Variants in PPP2R3A observed in about 807,000 individuals in gnomAD.
The protein encoded by PPP2R3A is protein phosphatase 2 regulatory subunit B''alpha.
In PPP2R3A, 80 loss-of-function variants were observed where a neutral mutation model predicts 106.9. The observed-to-expected ratio is 0.75, with a 90% confidence interval of 0.62 to 0.90. The LOEUF (loss-of-function observed/expected upper bound fraction) is 0.90, where lower values mean the gene tolerates loss of function less well. Ranked by LOEUF, PPP2R3A falls within the 40% of genes least tolerant of loss-of-function variation. PPP2R3A has a pLI of 0.00. For synonymous variants in PPP2R3A, 483 were observed against 468.3 expected (o/e 1.03, Z -0.41); for missense variants, 1,386 against 1,350.4 (o/e 1.03, Z -0.41).
At chr3:136,136,436 T>TA (rs1428529798) in intron 13 of PPP2R3A, among the ~76,000 whole-genome samples, 3 of 152,168 alleles carry the variant, frequency 2.0e-5, no homozygotes, top group African/African-American at 7.2e-5. Flanking sequence ...AGGGCACATT[T>TA]TACTGCTTGA....
chr3:136,111,513 A>C (rs1402237405), intron 13 of PPP2R3A, among the ~76,000 whole-genome samples: 1 of 152,192 alleles, frequency 6.6e-6, no homozygotes, highest in East Asian at 1.9e-4. Flanking sequence ...GCAATAAGCC[A>C]AACTTCTTCA....
intron 12 of PPP2R3A, 69 bp from the exon 13 acceptor site, chr3:136,106,147 T>G (rs1576314647): frequency 7.7e-7 from 1 of 1,292,940 alleles, no homozygotes. Flanking sequence ...TACATTTGTG[T>G]GATGATCTAT....
chr3:136,119,606 AAAAG>A lies in PPP2R3A; in HGVS notation c.3329+13285_3329+13288del, dbSNP rs1559931147. On this transcript the variant is annotated intron_variant, in intron 13 of 13. Coordinates refer to ENST00000264977, the MANE Select transcript of PPP2R3A (RefSeq NM_002718.5). ...TTATGCAGCCAACAAACATATGAAA[AAAAG>A]CTCATCATCACTGGTCATTAGAGAA... Among the ~76,000 whole-genome samples, 13 of 152,388 alleles carry A rather than the reference AAAAG, an allele frequency of 8.5e-5. No homozygotes were observed. In the South Asian group the frequency reaches 2.7e-3, roughly 32 times the overall value.
chr3:136,011,143 T>A (rs963919819), intron 2 of PPP2R3A, among the ~76,000 whole-genome samples: 1 of 152,122 alleles, frequency 6.6e-6, no homozygotes, highest in Non-Finnish European at 1.5e-5. Context: ...TGTAAAAATA[T>A]CACTTCACTG....
At chr3:136,072,540 T>C (rs13079037) in intron 6 of PPP2R3A, among the ~76,000 whole-genome samples, 98,840 of 152,104 alleles carry the variant, frequency 0.65, 34,346 homozygotes, top group African/African-American at 0.9. Flanking sequence ...TGCAGTGAGC[T>C]GAGATTCTTG....
chr3:136,107,136 T>G lies in PPP2R3A; in HGVS notation c.3329+814T>G, dbSNP rs372247698. 3.6e-4 allele frequency among the ~76,000 whole-genome samples: 55 copies of G among 152,234 alleles called. 1 individual carries two copies. The South Asian group carries it at 0.011, about 30-fold the overall frequency. On this transcript the variant is annotated intron_variant, in intron 13 of 13. Coordinates refer to ENST00000264977, the MANE Select transcript of PPP2R3A (RefSeq NM_002718.5). ...TGACTCCTTGGATCACTTCAGCAAC[T>G]TTATAATTTGCTGGTTTTTTCCATC...
In PPP2R3A at chr3:136,146,092, C is replaced by T. The variant is rs1454775230; in HGVS notation, c.*926C>T. ...TATTAGACTAGCTAATAGTAAAGGCCTCAACGTTATTCTTTACTTCATGTT... is the reference window on the plus strand; with the variant it reads ...TATTAGACTAGCTAATAGTAAAGGCTTCAACGTTATTCTTTACTTCATGTT... On this transcript the variant is annotated 3_prime_UTR_variant, in exon 14 of 14. Coordinates refer to ENST00000264977, the MANE Select transcript of PPP2R3A (RefSeq NM_002718.5). The T allele has an allele frequency of 6.6e-6, 1 of 151,912 alleles. No homozygotes were observed. The highest frequency in any genetic ancestry group is 6.6e-5 in the Admixed American group (1 of 15,246). The allele number at this position is 151,912 out of a possible 1,614,324, so 9.4% of individuals were successfully genotyped here.
In PPP2R3A at chr3:136,003,105, A is replaced by C. The variant is rs780747674; in HGVS notation, c.1607A>C (p.Asn536Thr). 6.2e-7 allele frequency: 1 copy of C among 1,610,690 alleles called. No homozygotes were observed. Among genetic ancestry groups the C allele is most frequent in the Non-Finnish European group, 8.5e-7 (1 of 1,179,206 alleles). The change falls in exon 2 of 14, where the codon AAC (asparagine) becomes ACC (threonine). Residue 536 changes from asparagine (N) to threonine (T), a missense_variant. Coordinates refer to ENST00000264977, the MANE Select transcript of PPP2R3A (RefSeq NM_002718.5). The stretch of plus-strand genomic sequence containing the variant: ...AGAGAGCCACTTGCGAAGGGTAAAA[A>C]CTCTAATTTTTTAAATAGTCACAGT... ...SLREPLAKGK[N>T]SNFLNSHSQL...
At chr3:136,119,451 T>A (rs558544919) in intron 13 of PPP2R3A, among the ~76,000 whole-genome samples, 54 of 151,946 alleles carry the variant, frequency 3.6e-4, no homozygotes, top group African/African-American at 1.3e-3. Flanking sequence ...TGGGAGAAAA[T>A]TTTTGCAATC....
intron 13 of PPP2R3A, among the ~76,000 whole-genome samples, chr3:136,130,344 A>G (rs989058968): frequency 6.6e-6 from 1 of 152,192 alleles, no homozygotes; most frequent in African/African-American, 2.4e-5. Context: ...CAATTGTGCA[A>G]AAATCACAGG....
intron 13 of PPP2R3A, among the ~76,000 whole-genome samples, chr3:136,110,124 C>T (rs1937571845): frequency 1.3e-5 from 2 of 152,170 alleles, no homozygotes; most frequent in African/African-American, 4.8e-5. Flanking sequence ...TCCCTGTTCT[C>T]ATTAAAAACC....
chr3:136,134,128 G>A (rs1452578987), intron 13 of PPP2R3A, among the ~76,000 whole-genome samples: 1 of 152,158 alleles, frequency 6.6e-6, no homozygotes, highest in East Asian at 1.9e-4. Context: ...TGCAAGACAG[G>A]ATGGGAAGAC....
At position 136,002,844 on chromosome 3, in the gene PPP2R3A, C is replaced by T. The variant is rs1277041193; in HGVS notation, c.1346C>T (p.Ala449Val). The change falls in exon 2 of 14, where the codon GCA becomes GTA. Residue 449 changes from alanine (A) to valine (V), a missense_variant. Transcript: ENST00000264977. ...TTATTAAAGGTAAATGAACATAGAGCAGAATTTCCAGAACATGCTACTCAT... is the reference window on the plus strand; with the variant it reads ...TTATTAAAGGTAAATGAACATAGAGTAGAATTTCCAGAACATGCTACTCAT... ...HELLKVNEHR[A>V]EFPEHATHLK... is the part of the protein sequence containing the mutation. 2 of 1,613,898 alleles carry T rather than the reference C, an allele frequency of 1.2e-6. No homozygotes were observed. The highest frequency in any genetic ancestry group is 3.3e-5 in the Admixed American group (2 of 59,990).
intron 2 of PPP2R3A, among the ~76,000 whole-genome samples, chr3:136,013,291 T>C (rs1934154866): frequency 1.3e-5 from 2 of 152,200 alleles, no homozygotes; most frequent in Admixed American, 1.3e-4. Context: ...AGTTTTGCAA[T>C]TGCAAATTGT....
chr3:136,030,255 A>G (rs1038789710), intron 3 of PPP2R3A, among the ~76,000 whole-genome samples: 8 of 151,112 alleles, frequency 5.3e-5, no homozygotes, highest in African/African-American at 1.9e-4. Context: ...GTATATAATT[A>G]CCTGGGAAGT....
intron 1 of PPP2R3A, among the ~76,000 whole-genome samples, chr3:135,976,222 T>C (rs1559847320): frequency 6.6e-6 from 1 of 152,208 alleles, no homozygotes; most frequent in East Asian, 1.9e-4. Context: ...GCTAGTGATA[T>C]ATAAGCAGCA....
intron 6 of PPP2R3A, among the ~76,000 whole-genome samples, chr3:136,073,021 G>A (rs563555365): frequency 5.8e-4 from 89 of 152,286 alleles, no homozygotes; most frequent in Non-Finnish European, 1.2e-3. Flanking sequence ...AGGCTGCAGT[G>A]CAGTGGCACG....
chr3:136,092,886 C>T (rs1362830233), intron 10 of PPP2R3A, among the ~76,000 whole-genome samples: 1 of 152,036 alleles, frequency 6.6e-6, no homozygotes, highest in Non-Finnish European at 1.5e-5. Flanking sequence ...TTTTGGTGGC[C>T]AAAACTGCAA....
rs769907895 is a variant in PPP2R3A, at chr3:136,002,480, A to G, written c.982A>G (p.Thr328Ala). The change falls in exon 2 of 14, where the codon ACT becomes GCT. Residue 328 changes from threonine (T) to alanine (A), a missense_variant. Physicochemically the swap from Thr to Ala is moderately conservative, Grantham distance 58 (BLOSUM62 0). Transcript: ENST00000264977. The part of the protein sequence containing the change: ...QLTPFSPVFG[T>A]EQPPKYEDVV... Reference sequence around the variant, plus strand: ...GACTCCCTTCTCCCCAGTGTTTGGCACTGAACAACCCCCTAAATATGAAGA... The same window carrying G: ...GACTCCCTTCTCCCCAGTGTTTGGCGCTGAACAACCCCCTAAATATGAAGA... 1.2e-6 allele frequency: 2 copies of G among 1,614,004 alleles called. No individual in the cohort carries two copies. The highest frequency in any genetic ancestry group is 2.7e-5 in the African/African-American group (2 of 74,920).
Sources: allele counts gnomAD v4.1 joint callset (sites outside exome capture counted in the v4.1 genomes callset), GRCh38; gene constraint gnomAD v4.1.1; transcripts MANE v1.5; gene names NCBI Gene and HGNC (gene_info 2026-07-23, HGNC 2026-07-21).